ECI1: variants seen among roughly 807,000 people sequenced by gnomAD.
The protein encoded by ECI1 is enoyl-CoA delta isomerase 1, mitochondrial.
A neutral mutation model predicts 34.2 loss-of-function variants in ECI1; 34 were observed. The observed-to-expected ratio is 1.00, with a 90% CI of 0.76 to 1.33. The LOEUF is 1.33. Ranked by LOEUF, ECI1 falls within the 40% of genes most tolerant of loss-of-function variation. The pLI, the probability that ECI1 is intolerant of heterozygous loss-of-function variation, is 0.00. For missense variants in ECI1, 456 were observed against 422.2 expected (o/e 1.08, Z -0.70); for synonymous variants, 211 against 193.0 (o/e 1.09, Z -0.77).
intron 2 of ECI1, among the ~76,000 whole-genome samples, chr16:2,249,373 T>A (rs1020216983): frequency 6.6e-6 from 1 of 151,836 alleles, no homozygotes; most frequent in Non-Finnish European, 1.5e-5. Flanking sequence ...TCTTAAGGTA[T>A]TGGAATGGGT....
intron 3 of ECI1, 94 bp downstream of exon 3, chr16:2,246,763 AGG>A: frequency 6.3e-7 from 1 of 1,584,838 alleles, no homozygotes; most frequent in East Asian, 2.2e-5. Flanking sequence ...ACACGTTGGC[AGG>A]CTCTGCCTCT....
chr16:2,245,760 C>T (rs1276490261), intron 3 of ECI1, among the ~76,000 whole-genome samples: 1 of 152,102 alleles, frequency 6.6e-6, no homozygotes. Flanking sequence ...CACCTGTAAT[C>T]CTAGCACACT....
rs2141493097 is a variant in ECI1, at chr16:2,240,163, T to C, written c.743-18A>G. 1 of 1,612,534 alleles carries C rather than the reference T, an allele frequency of 6.2e-7. No homozygotes were observed. The highest frequency in any genetic ancestry group is 8.5e-7 in the Non-Finnish European group (1 of 1,179,878). ...AGCATGGTCTAAAGAGAATGGGACG[T>C]GCCACTGAAATCCCACTTTCAGGGG... On this transcript the variant is annotated intron_variant, in intron 6 of 6. Coordinates refer to ENST00000301729, the MANE Select transcript of ECI1 (RefSeq NM_001919.4).
At chr16:2,244,279 C>A (rs1427815072) in intron 4 of ECI1, 127 bp downstream of exon 4, 1 of 1,179,130 alleles carries the variant, frequency 8.5e-7, no homozygotes, top group Non-Finnish European at 1.2e-6. Flanking sequence ...CACCTGTGCA[C>A]ATCTCAGGGC....
intron 2 of ECI1, among the ~76,000 whole-genome samples, chr16:2,247,523 G>A (rs1437300034): frequency 6.6e-6 from 1 of 152,118 alleles, no homozygotes; most frequent in Non-Finnish European, 1.5e-5. Context: ...TCAGCCTCCC[G>A]AGTAGCTAGG....
intron 6 of ECI1, chr16:2,241,963 C>G (rs987325963): frequency 1.3e-5 from 2 of 152,006 alleles, no homozygotes; most frequent in African/African-American, 4.8e-5. Context: ...GGGTTCACGC[C>G]ATCCTCCTGC....
chr16:2,249,851 C>T (rs1273487087), intron 2 of ECI1, among the ~76,000 whole-genome samples: 1 of 122,084 alleles, frequency 8.2e-6, no homozygotes, highest in Non-Finnish European at 1.6e-5. Context: ...GCACTCCAGC[C>T]TGGCGACAGA....
intron 4 of ECI1, 192 bp downstream of exon 4, chr16:2,244,214 G>A (rs1411176362): frequency 4.4e-6 from 3 of 680,406 alleles, no homozygotes; most frequent in Non-Finnish European, 7.7e-6. Context: ...CCCAGGCCAG[G>A]GCCCTCACCC....
At chr16:2,250,227 C>G (rs1314609520) in intron 2 of ECI1, among the ~76,000 whole-genome samples, 1 of 138,626 alleles carries the variant, frequency 7.2e-6, no homozygotes, top group Non-Finnish European at 1.5e-5. Context: ...CCACTGCACT[C>G]CAGTCTGGCG....
intron 4 of ECI1, 149 bp from the exon 5 acceptor site, chr16:2,243,588 T>C: frequency 1.0e-6 from 1 of 969,028 alleles, no homozygotes; most frequent in East Asian, 2.6e-5. Context: ...CTGGGCTGGG[T>C]GTGCACTGGG....
chr16:2,242,193 A>G (rs954628176), intron 6 of ECI1, among the ~76,000 whole-genome samples: 2 of 151,056 alleles, frequency 1.3e-5, no homozygotes, highest in Non-Finnish European at 3.0e-5. Context: ...GGGTTTCACC[A>G]TGTTGGCCAG....
Position 2,243,897 on chromosome 16 carries a change from C to T in ECI1, c.442-458G>A, listed in dbSNP as rs531661075. On this transcript the variant is annotated intron_variant, in intron 4 of 6. Transcript: ENST00000301729. ...TGGTCACTGCAGGTACCCACTGCCC[C>T]GCGCAGGACCCATCCTGTCTGCATG... Among the ~76,000 whole-genome samples, 252 of 152,282 alleles carry T rather than the reference C, an allele frequency of 1.7e-3. 9 individuals carry two copies. The South Asian group carries it at 0.05, about 30-fold the overall frequency.
At position 2,244,443 on chromosome 16, in the gene ECI1, A is replaced by C; in HGVS notation, c.404T>G (p.Leu135Trp). Residue 135 changes from leucine to tryptophan, a missense_variant, in exon 4 of 7, where the codon TTG becomes TGG. Transcript: ENST00000301729. ...WKAVQELWLR[L>W]YQSNLVLVSA... Reference sequence around the variant, plus strand: ...GACCAGCACCAGGTTGGACTGGTACAACCGCAGCCACAGCTCCTGAACGGC... The same window carrying C: ...GACCAGCACCAGGTTGGACTGGTACCACCGCAGCCACAGCTCCTGAACGGC... 1 of 1,612,236 alleles carries C rather than the reference A, an allele frequency of 6.2e-7. No individual in the cohort carries two copies. Among genetic ancestry groups the C allele is most frequent in the Non-Finnish European group, 8.5e-7 (1 of 1,179,766 alleles).
At chr16:2,240,222 T>A (rs1312551648) in intron 6 of ECI1, 77 bp from the exon 7 acceptor site, 63 of 1,364,456 alleles carry the variant, frequency 4.6e-5, no homozygotes, top group South Asian at 7.8e-5. Context: ...TTTTTATTTT[T>A]ATTTTTTGAG....
Position 2,239,659 on chromosome 16 carries a change from G to A in ECI1, c.*320C>T, listed in dbSNP as rs2093523138. 4 of 402,860 alleles carry A rather than the reference G, an allele frequency of 9.9e-6. No individual in the cohort carries two copies. Among genetic ancestry groups the A allele is most frequent in the South Asian group, 8.4e-5 (4 of 47,496 alleles). The allele number at this position is 402,860 out of a possible 1,614,324, so 25.0% of individuals were successfully genotyped here. A position where few individuals can be genotyped will look rare whatever the true frequency, so the allele number is the denominator to read the frequency against. On this transcript the variant is annotated 3_prime_UTR_variant, in exon 7 of 7. Coordinates refer to ENST00000301729, the MANE Select transcript of ECI1 (RefSeq NM_001919.4). ...GTCCAAAGGCCAGAATGGATGACCA[G>A]GGACTTGACTTACGATTCTGCCTTG...
intron 3 of ECI1, 111 bp downstream of exon 3, chr16:2,246,748 G>A (rs2093541150): frequency 6.5e-7 from 1 of 1,547,058 alleles, no homozygotes; most frequent in African/African-American, 1.4e-5. Flanking sequence ...CGGCTGGCCT[G>A]TGCCACACGT....
intron 2 of ECI1, among the ~76,000 whole-genome samples, chr16:2,250,306 T>TAGTTTGTCCCTCTCA (rs1190017386): frequency 6.7e-6 from 1 of 150,168 alleles, no homozygotes; most frequent in African/African-American, 2.5e-5. Context: ...AAGTTGGTCT[T>TAGTTTGTCCCTCTCA]AGTTTGTCCC....
At chr16:2,242,775 G>A (rs371379996) in intron 6 of ECI1, 4 of 525,278 alleles carry the variant, frequency 7.6e-6, no homozygotes, top group South Asian at 2.1e-5. Context: ...AGAAGTGGGC[G>A]GGGCAGGAAG....
At chr16:2,244,659 C>T in intron 3 of ECI1, 107 bp from the exon 4 acceptor site, 7 of 1,262,176 alleles carry the variant, frequency 5.5e-6, no homozygotes, top group Non-Finnish European at 5.5e-6. Context: ...AGGGCCAGGT[C>T]ACGCTCAGGG....
Sources: gnomAD v4.1 joint callset for allele counts (sites outside exome capture counted in the v4.1 genomes callset) on GRCh38, gnomAD v4.1.1 for gene constraint, MANE v1.5 for transcripts, NCBI Gene and HGNC (gene_info 2026-07-23, HGNC 2026-07-21) for gene names.